Variants in GMPPA observed in about 807,000 individuals in gnomAD.
GMPPA encodes mannose-1-phosphate guanylyltransferase regulatory subunit alpha.
A neutral mutation model predicts 58.6 loss-of-function variants in GMPPA; 46 were observed. The observed-to-expected ratio is 0.78, with a 90% confidence interval of 0.62 to 1.00. The LOEUF is 1.00. Ranked by LOEUF, GMPPA falls within the 50% of genes least tolerant of loss-of-function variation. The pLI, the probability that GMPPA is intolerant of heterozygous loss-of-function variation, is 0.00. For synonymous variants in GMPPA, 211 were observed against 214.9 expected, an observed-to-expected ratio of 0.98 and a Z score of 0.16; for missense variants, 468 against 556.4, an observed-to-expected ratio of 0.84 and a Z score of 1.60.
At chr2:219,505,933 A>T (rs780756086) in intron 10 of GMPPA, 47 bp from the exon 11 acceptor site, 1 of 1,344,018 alleles carries the variant, frequency 7.4e-7, no homozygotes, top group South Asian at 1.3e-5. Context: ...GGGTTTGGGG[A>T]TCCTCCAAGT....
In GMPPA at chr2:219,506,242, C is replaced by T; in HGVS notation, c.994-12C>T. On this transcript the variant is annotated splice_polypyrimidine_tract_variant and intron_variant, in intron 11 of 12. Coordinates refer to ENST00000313597, the MANE Select transcript of GMPPA (RefSeq NM_013335.4). ...GCCTCTTCCCCTTACCTTTCACTGT[C>T]CTCTTTGGCAGGAGCACACGTGTGT... The T allele has an allele frequency of 1.9e-6, 3 of 1,598,242 alleles. No homozygotes were observed. Among genetic ancestry groups the T allele is most frequent in the Non-Finnish European group, 2.6e-6 (3 of 1,169,210 alleles).
In GMPPA at chr2:219,500,111, C is replaced by T. The variant is rs1478745465; in HGVS notation, c.41-10C>T. On this transcript the variant is annotated splice_polypyrimidine_tract_variant and intron_variant, in intron 2 of 12. Transcript: ENST00000313597. ...AGGAGGCCGAAATGTTCTCCTCTCT[C>T]CTCTCCCAGGAACTCGCTTCAGACC... The T allele has an allele frequency of 6.2e-7, 1 of 1,606,112 alleles. No homozygotes were observed. The highest frequency in any genetic ancestry group is 2.2e-5 in the East Asian group (1 of 44,798).
In GMPPA at chr2:219,506,735, G is replaced by A. The variant is rs775538297; in HGVS notation, c.1200G>A (p.Leu400=). 13 of 1,607,902 alleles carry A rather than the reference G, an allele frequency of 8.1e-6. 1 individual carries two copies. The highest frequency in any genetic ancestry group is 9.4e-6 in the Non-Finnish European group (11 of 1,174,578). The change falls in exon 13 of 13, where the codon CTG becomes CTA. Residue 400 remains leucine, a synonymous_variant. Transcript: ENST00000313597. ...GGATCCCTGCCGAGGTGCTCATCCT[G>A]AACTCGATTGTTCTGCCACACAAGG... ...RVRIPAEVLI[L]NSIVLPHKEL... is the part of the protein sequence containing the mutation.
chr2:219,501,716 T>C, intron 4 of GMPPA, 135 bp from the exon 5 acceptor site: 1 of 905,338 alleles, frequency 1.1e-6, no homozygotes, highest in Non-Finnish European at 1.8e-6. Flanking sequence ...TCAATGAATC[T>C]CTGAGTATAT....
rs765130853 is a variant in GMPPA at position 219,506,299 on chromosome 2, G to C, written c.1039G>C (p.Val347Leu). ...LHSIVGWGST[V>L]GRWARVEGTP... ...TAGCATCGTGGGCTGGGGGAGCACC[G>C]TGGGACGCTGGGCCCGCGTGGAGGG... Residue 347 changes from valine (V) to leucine (L), a missense_variant, in exon 12 of 13, where the codon GTG becomes CTG. Coordinates refer to ENST00000313597, the MANE Select transcript of GMPPA (RefSeq NM_013335.4). 1 of 1,613,816 alleles carries C rather than the reference G, an allele frequency of 6.2e-7. No homozygotes were observed. Among genetic ancestry groups the C allele is most frequent in the East Asian group, 2.2e-5 (1 of 44,876 alleles).
At position 219,505,213 on chromosome 2, in the gene GMPPA, C is replaced by G. The variant is rs1447525412; in HGVS notation, c.621-15C>G. The G allele has an allele frequency of 6.2e-7, 1 of 1,611,906 alleles. No individual in the cohort carries two copies. The highest frequency in any genetic ancestry group is 1.1e-5 in the South Asian group (1 of 91,048). ...CAGCTGGGGGACTAATGTCAGCATT[C>G]TTCCTCTCTGCCAGGGAGGACTCAC... On this transcript the variant is annotated splice_polypyrimidine_tract_variant and intron_variant, in intron 7 of 12. Transcript: ENST00000313597.
intron 7 of GMPPA, 172 bp from the exon 8 acceptor site, chr2:219,505,056 G>C (rs1694527485): frequency 1.2e-6 from 1 of 863,378 alleles, no homozygotes; most frequent in Admixed American, 2.9e-5. Context: ...CTGGGTGGGA[G>C]AGGTTCCTGG....
Position 219,501,997 on chromosome 2 carries a change from A to T in GMPPA, c.389A>T (p.His130Leu). 1 of 1,614,220 alleles carries T rather than the reference A, an allele frequency of 6.2e-7. No individual in the cohort carries two copies. The highest frequency in any genetic ancestry group is 8.5e-7 in the Non-Finnish European group (1 of 1,180,044). ...CCCTTGAGTGCTATGTTGGAAGCCC[A>T]CCGACGCCAGCGTCACCCTTTCTTA... ...DFPLSAMLEA[H>L]RRQRHPFLLL... Residue 130 changes from histidine to leucine, a missense_variant, in exon 5 of 13, where the codon CAC becomes CTC. Coordinates refer to ENST00000313597, the MANE Select transcript of GMPPA (RefSeq NM_013335.4).
intron 7 of GMPPA, chr2:219,504,851 C>T: frequency 1.4e-5 from 15 of 1,082,072 alleles, no homozygotes; most frequent in Non-Finnish European, 1.7e-5. Context: ...CTGCCCTCAC[C>T]AGCTGCCTTG....
intron 6 of GMPPA, 77 bp from the exon 7 acceptor site, chr2:219,504,006 G>T: frequency 3.3e-6 from 5 of 1,534,658 alleles, no homozygotes; most frequent in Non-Finnish European, 4.5e-6. Flanking sequence ...GGCAAGAAGG[G>T]CCTAGAAATC....
At position 219,506,378 on chromosome 2, in the gene GMPPA, G is replaced by A. The variant is rs1694593071; in HGVS notation, c.1118G>A (p.Ser373Asn). ...NDPRARMDSE[S>N]LFKDGKLLPA... ...CCCCGAGCCCGCATGGACAGTGAGA[G>A]CCTCTTCAAGGACGGGAAGCTGCTG... The change falls in exon 12 of 13, where the codon AGC becomes AAC. Residue 373 changes from serine to asparagine, a missense_variant. Coordinates refer to ENST00000313597, the MANE Select transcript of GMPPA (RefSeq NM_013335.4). 1.2e-6 allele frequency: 2 copies of A among 1,613,608 alleles called. No homozygotes were observed. The highest frequency in any genetic ancestry group is 2.2e-5 in the East Asian group (1 of 44,874).
Position 219,501,562 on chromosome 2 carries a change from G to T in GMPPA, c.225G>T (p.Glu75Asp). 6.2e-7 allele frequency: 1 copy of T among 1,608,394 alleles called. No individual in the cohort carries two copies. Among genetic ancestry groups the T allele is most frequent in the Non-Finnish European group, 8.5e-7 (1 of 1,174,658 alleles). ...LTQFLEAAQQ[E>D]FNLPVRYLQE... ...AGTTCCTAGAAGCCGCCCAGCAGGA[G>T]TTTAACCTTCCAGTCAGGTGTTTGT... The change falls in exon 4 of 13, where the codon GAG becomes GAT. Residue 75 changes from glutamate to aspartate, a missense_variant. By Grantham distance (45) the Glu-to-Asp change is conservative. Coordinates refer to ENST00000313597, the MANE Select transcript of GMPPA (RefSeq NM_013335.4).
At chr2:219,501,690 G>C in intron 4 of GMPPA, 111 bp downstream of exon 4, 1 of 926,852 alleles carries the variant, frequency 1.1e-6, no homozygotes, top group Non-Finnish European at 1.8e-6. Flanking sequence ...CTACTAGAAG[G>C]ATTCTTGTTT....
chr2:219,499,950 T>C lies in GMPPA; in HGVS notation c.-20-6T>C. 6.2e-7 allele frequency: 1 copy of C among 1,611,324 alleles called. No individual in the cohort carries two copies. The highest frequency in any genetic ancestry group is 1.3e-5 in the African/African-American group (1 of 74,944). ...CTGAGCTTGATTTCTCTGTTGGAATTTGAAGTTTAGGTAGCAGTCACCATT... is the reference window on the plus strand; with the variant it reads ...CTGAGCTTGATTTCTCTGTTGGAATCTGAAGTTTAGGTAGCAGTCACCATT... On this transcript the variant is annotated splice_polypyrimidine_tract_variant and splice_region_variant and intron_variant, in intron 1 of 12. Transcript: ENST00000313597.
rs1553624347 is a variant in GMPPA, at chr2:219,505,556, G to A, written c.853+1G>A. ...ACCCCAGGGGGCCCATGGATCCGAG[G>A]TACCCAGCCTGCCCCAATTCCTAAC... On this transcript the variant is annotated splice_donor_variant, in intron 9 of 12. Transcript: ENST00000313597. LOFTEE classifies it high-confidence loss of function. 3 of 1,567,146 alleles carry A rather than the reference G, an allele frequency of 1.9e-6. No homozygotes were observed. The highest frequency in any genetic ancestry group is 2.6e-6 in the Non-Finnish European group (3 of 1,155,546).
intron 10 of GMPPA, 105 bp downstream of exon 10, chr2:219,505,866 G>A: frequency 8.7e-7 from 1 of 1,155,454 alleles, no homozygotes; most frequent in Admixed American, 2.1e-5. Flanking sequence ...CTTTGTCACA[G>A]CCTATTGTGT....
At position 219,506,108 on chromosome 2, in the gene GMPPA, C is replaced by T. The variant is rs772851876; in HGVS notation, c.993+36C>T. ...GCATACACAGCAGCATGTGACACCC[C>T]AAGAGGCTGCGGGGAGGGCCCAGGC... On this transcript the variant is annotated intron_variant, in intron 11 of 12. Transcript: ENST00000313597. 7.3e-6 allele frequency: 11 copies of T among 1,497,620 alleles called. No individual in the cohort carries two copies. The Admixed American group carries it at 2.0e-4, about 28-fold the overall frequency. The allele number at this position is 1,497,620 out of a possible 1,614,324, so 92.8% of individuals were successfully genotyped here. A position where few individuals can be genotyped will look rare whatever the true frequency, so the allele number is the denominator to read the frequency against.
chr2:219,504,025 T>G (rs1401933257), intron 6 of GMPPA, 58 bp from the exon 7 acceptor site: 3 of 1,599,964 alleles, frequency 1.9e-6, no homozygotes, highest in Non-Finnish European at 2.6e-6. Context: ...TCAGAGGGTC[T>G]TAGGGGACTG....
chr2:219,505,900 C>T, intron 10 of GMPPA, 80 bp from the exon 11 acceptor site: 1 of 1,159,540 alleles, frequency 8.6e-7, no homozygotes, highest in Middle Eastern at 2.0e-4. Flanking sequence ...TCACTTATGC[C>T]TTATCTGTTC....
Sources: allele counts gnomAD v4.1 joint callset, GRCh38; gene constraint gnomAD v4.1.1; transcripts MANE v1.5; gene names NCBI Gene and HGNC (gene_info 2026-07-23, HGNC 2026-07-21).